RGS7: variants seen among roughly 807,000 people sequenced by gnomAD.
RGS7 encodes regulator of G protein signaling 7, also known as regulator of G-protein signaling 7.
Under a neutral mutation model 81.1 loss-of-function variants are expected in RGS7, and 27 were observed. That is an observed-to-expected ratio of 0.33 (90% CI 0.25 to 0.46). RGS7 has a LOEUF of 0.46. Among genes scored for constraint, RGS7 ranks in the 20% least tolerant of loss-of-function variants. The pLI is 1.00. For synonymous variants in RGS7, 208 were observed against 207.7 expected (o/e 1.00, Z -0.01); for missense variants, 396 against 607.4 (o/e 0.65, Z 3.66).
At chr1:240,909,671 G>C (rs1002061970) in intron 6 of RGS7, among the ~76,000 whole-genome samples, 26 of 152,160 alleles carry the variant, frequency 1.7e-4, no homozygotes, top group African/African-American at 6.3e-4. Context: ...TAGGCCAATA[G>C]ATCTATATAG....
intron 2 of RGS7, among the ~76,000 whole-genome samples, chr1:241,168,121 G>A (rs148838563): frequency 1.3e-5 from 2 of 152,294 alleles, no homozygotes; most frequent in East Asian, 1.9e-4. Flanking sequence ...CCATGAGAGG[G>A]TTTCAAGCAT....
At chr1:241,264,434 T>C (rs1202071708) in intron 2 of RGS7, among the ~76,000 whole-genome samples, 1 of 151,944 alleles carries the variant, frequency 6.6e-6, no homozygotes, top group African/African-American at 2.4e-5. Context: ...GAGGCGGAGG[T>C]TGCAGTGAGC....
chr1:241,145,106 T>G (rs2103101298), intron 2 of RGS7, among the ~76,000 whole-genome samples: 1 of 151,526 alleles, frequency 6.6e-6, no homozygotes, highest in South Asian at 2.1e-4. Context: ...CACTTCCGCC[T>G]CCTCAGTTCA....
intron 3 of RGS7, among the ~76,000 whole-genome samples, chr1:240,989,924 CT>C (rs1257301170): frequency 6.6e-6 from 1 of 152,132 alleles, no homozygotes; most frequent in Non-Finnish European, 1.5e-5. Flanking sequence ...ATCCTTGCTC[CT>C]TTCTGGACAT....
chr1:240,838,701 C>T (rs1695092658), intron 9 of RGS7, among the ~76,000 whole-genome samples: 1 of 151,992 alleles, frequency 6.6e-6, no homozygotes. Context: ...TTAATCATAT[C>T]CAAAACAACA....
chr1:240,797,983 T>C (rs1240813471), intron 18 of RGS7, among the ~76,000 whole-genome samples: 1 of 152,142 alleles, frequency 6.6e-6, no homozygotes, highest in Non-Finnish European at 1.5e-5. Context: ...ATAAGAATAA[T>C]CTATGAAGAG....
At chr1:240,789,055 C>T (rs566429556) in intron 18 of RGS7, among the ~76,000 whole-genome samples, 6 of 152,264 alleles carry the variant, frequency 3.9e-5, no homozygotes, top group African/African-American at 1.4e-4. Context: ...CCGGCTGAAG[C>T]CATGGCAGAA....
At position 241,321,093 on chromosome 1, in the gene RGS7, A is replaced by C. The variant is rs750791276; in HGVS notation, c.78+34606T>G. Among the ~76,000 whole-genome samples, 3 of 152,322 alleles carry C rather than the reference A, an allele frequency of 2.0e-5. No individual in the cohort carries two copies. In the South Asian group the frequency reaches 6.2e-4, roughly 32 times the overall value. On this transcript the variant is annotated intron_variant, in intron 2 of 18. Transcript: ENST00000440928. Reference sequence around the variant, plus strand: ...AATTGGAAAAGATAATTTTATGAAGATTTATAAACTTTTAAAACTGGTGTG... The same window carrying C: ...AATTGGAAAAGATAATTTTATGAAGCTTTATAAACTTTTAAAACTGGTGTG...
intron 6 of RGS7, among the ~76,000 whole-genome samples, chr1:240,925,355 C>G (rs150545906): frequency 6.6e-6 from 1 of 152,066 alleles, no homozygotes; most frequent in African/African-American, 2.4e-5. Context: ...TTAGCTCCCT[C>G]TTATAAGTGA....
chr1:240,810,262 A>G (rs1167558874), intron 14 of RGS7, among the ~76,000 whole-genome samples: 1 of 152,068 alleles, frequency 6.6e-6, no homozygotes, highest in Non-Finnish European at 1.5e-5. Flanking sequence ...TTTTAATGAG[A>G]GAAGGCGATG....
At chr1:241,152,732 G>A (rs906608748) in intron 2 of RGS7, among the ~76,000 whole-genome samples, 1 of 152,198 alleles carries the variant, frequency 6.6e-6, no homozygotes, top group Non-Finnish European at 1.5e-5. Flanking sequence ...CGAGCATTTC[G>A]TATATGTGTG....
intron 2 of RGS7, among the ~76,000 whole-genome samples, chr1:241,242,332 A>AGATG (rs2076303794): frequency 1.3e-5 from 2 of 152,042 alleles, no homozygotes; most frequent in Admixed American, 6.6e-5. Context: ...ATAGATAGAT[A>AGATG]GATAGATAGA....
Position 241,220,726 on chromosome 1 carries a change from G to A in RGS7, c.79-121964C>T, listed in dbSNP as rs1053656648. On this transcript the variant is annotated intron_variant, in intron 2 of 18. Coordinates refer to ENST00000440928, the MANE Select transcript of RGS7 (RefSeq NM_001364886.1). ...TTTTGCAATCATATTAATAATTAAG[G>A]TTCTTTTGCAATAAAAAAGAGACAT... Among the ~76,000 whole-genome samples, 19 of 151,828 alleles carry A rather than the reference G, an allele frequency of 1.3e-4. 1 individual carries two copies. The highest frequency in any genetic ancestry group is 4.4e-4 in the African/African-American group (18 of 41,340).
In RGS7 at chr1:241,144,949, G is replaced by C. The variant is rs2068199427; in HGVS notation, c.79-46187C>G. Among the ~76,000 whole-genome samples the C allele has an allele frequency of 6.6e-6, 1 of 151,296 alleles. No individual in the cohort carries two copies. The highest frequency in any genetic ancestry group is 1.5e-5 in the Non-Finnish European group (1 of 67,892). On this transcript the variant is annotated intron_variant, in intron 2 of 18. Transcript: ENST00000440928. The surrounding 1 kb of genome is among the most constrained non-coding windows in gnomAD (Gnocchi z 4.7). ...ATGGTGTGTGTGTGTGTGTGTGTGT[G>C]TGTGTGTGTGTGTGTTCGTGTTCAT...
chr1:240,816,365 T>C lies in RGS7; in HGVS notation c.735A>G (p.Thr245=), dbSNP rs1454917806. 5.0e-6 allele frequency: 8 copies of C among 1,612,352 alleles called. No individual in the cohort carries two copies. Among genetic ancestry groups the C allele is most frequent in the Non-Finnish European group, 6.8e-6 (8 of 1,178,620 alleles). Residue 245 remains threonine (T), a synonymous_variant, in exon 11 of 19, where the codon ACA becomes ACG. Transcript: ENST00000440928. ...TTGGAGGTTTAGTTTCTGGTGTGGG[T>C]GTGTGGGTAGGACTGTGACTTCTAA... The part of the protein sequence containing the change: ...NDIRSHSPTH[T]PTPETKPPTE...
chr1:241,357,203 G>A lies in RGS7; in HGVS notation c.-355C>T, dbSNP rs1277855243. 1 of 152,012 alleles carries A rather than the reference G, an allele frequency of 6.6e-6. No homozygotes were observed. Among genetic ancestry groups the A allele is most frequent in the Non-Finnish European group, 1.5e-5 (1 of 68,020 alleles). 9.4% of individuals were successfully genotyped at this position (152,012 alleles called of 1,614,324 possible). A position where few individuals can be genotyped will look rare whatever the true frequency, so the allele number is the denominator to read the frequency against. ...TGGGACCAGCCGAGCGCGCGCGGGA[G>A]TCGAGACGCCCGGCCCGTGCGCGCG... On this transcript the variant is annotated 5_prime_UTR_variant, in exon 1 of 19. Coordinates refer to ENST00000440928, the MANE Select transcript of RGS7 (RefSeq NM_001364886.1).
At chr1:240,887,507 CGT>C (rs1335556841) in intron 6 of RGS7, among the ~76,000 whole-genome samples, 1 of 152,058 alleles carries the variant, frequency 6.6e-6, no homozygotes, top group African/African-American at 2.4e-5. Flanking sequence ...GGATTACAGG[CGT>C]GAGAGTATAT....
intron 2 of RGS7, among the ~76,000 whole-genome samples, chr1:241,161,418 A>C (rs187294576): frequency 2.0e-3 from 297 of 151,100 alleles, no homozygotes; most frequent in African/African-American, 6.7e-3. Flanking sequence ...AATAACTAAT[A>C]ACACATTAAT....
rs149146519 is a variant in RGS7 at position 241,242,896 on chromosome 1, A to G, written c.78+112803T>C. ...TGGATATTAGTCCTTTGTCAGATGT[A>G]TAGATTATGAAGATTTTCTCCCACT... is the stretch of plus-strand genomic sequence containing the variant. On this transcript the variant is annotated intron_variant, in intron 2 of 18. Coordinates refer to ENST00000440928, the MANE Select transcript of RGS7 (RefSeq NM_001364886.1). Among the ~76,000 whole-genome samples the G allele has an allele frequency of 4.1e-3, 619 of 152,280 alleles. 6 individuals are homozygous for G. Among genetic ancestry groups the G allele is most frequent in the African/African-American group, 0.014 (590 of 41,566 alleles).
Sources: allele counts gnomAD v4.1 joint callset (sites outside exome capture counted in the v4.1 genomes callset), GRCh38; gene constraint gnomAD v4.1.1; non-coding constraint Gnocchi (gnomAD v3.1); transcripts MANE v1.5; gene names NCBI Gene and HGNC (gene_info 2026-07-23, HGNC 2026-07-21).